Variants in BANK1 observed in about 807,000 individuals in gnomAD.
BANK1 encodes the protein B cell scaffold protein with ankyrin repeats 1, also known as B-cell scaffold protein with ankyrin repeats.
Under a neutral mutation model 94.5 loss-of-function variants are expected in BANK1, and 95 were observed. That is an observed-to-expected ratio of 1.00 (90% CI 0.85 to 1.19). BANK1 has a LOEUF of 1.19. Among genes scored for constraint, BANK1 ranks in the 50% most tolerant of loss-of-function variants. The probability of loss-of-function intolerance (pLI) is 0.00; values close to 1 mark genes in which losing one functional copy is unlikely to be tolerated. For missense variants in BANK1, 987 were observed against 932.2 expected, an observed-to-expected ratio of 1.06 and a Z score of -0.77; for synonymous variants, 334 against 308.4, an observed-to-expected ratio of 1.08 and a Z score of -0.87.
intron 1 of BANK1, among the ~76,000 whole-genome samples, chr4:101,798,362 T>A (rs1394047802): frequency 6.6e-6 from 1 of 152,178 alleles, no homozygotes; most frequent in Non-Finnish European, 1.5e-5. Context: ...TTAATTGTTC[T>A]CAAAAGCCGA....
chr4:101,910,577 C>T (rs1208538305), intron 6 of BANK1, among the ~76,000 whole-genome samples: 5 of 151,410 alleles, frequency 3.3e-5, no homozygotes, highest in East Asian at 1.9e-4. Context: ...GCCTGTAATC[C>T]CAGCTACTCA....
rs374285883 is a variant in BANK1, at chr4:102,072,448, C to T, written c.2298+48C>T. 3.1e-5 allele frequency: 43 copies of T among 1,402,648 alleles called. No homozygotes were observed. The African/African-American group carries it at 3.7e-4, about 12-fold the overall frequency. The allele number at this position is 1,402,648 out of a possible 1,614,324, so 86.9% of individuals were successfully genotyped here. A position where few individuals can be genotyped will look rare whatever the true frequency, so the allele number is the denominator to read the frequency against. On this transcript the variant is annotated intron_variant, in intron 15 of 16. Coordinates refer to ENST00000322953, the MANE Select transcript of BANK1 (RefSeq NM_017935.5). ...TCTATAAAATGCAAAGAAATAACTT[C>T]GTTAAAAAAGAACATGAGAGCCTTC...
At chr4:102,051,009 G>T (rs1355595816) in intron 11 of BANK1, among the ~76,000 whole-genome samples, 1 of 152,140 alleles carries the variant, frequency 6.6e-6, no homozygotes, top group Non-Finnish European at 1.5e-5. Context: ...TGTAGGGCAG[G>T]AGTGTGCCTA....
At chr4:102,026,450 A>C (rs1578464398) in intron 9 of BANK1, among the ~76,000 whole-genome samples, 2 of 152,246 alleles carry the variant, frequency 1.3e-5, no homozygotes, top group South Asian at 4.1e-4. Flanking sequence ...CCCCATTTTC[A>C]CTATAATTTA....
At chr4:102,047,620 A>G (rs1428355928) in intron 11 of BANK1, among the ~76,000 whole-genome samples, 1 of 152,180 alleles carries the variant, frequency 6.6e-6, no homozygotes, top group Non-Finnish European at 1.5e-5. Context: ...GAATGAAGAG[A>G]GGAGATTTTT....
chr4:102,054,440 G>A (rs1728159337), intron 11 of BANK1, among the ~76,000 whole-genome samples: 1 of 152,018 alleles, frequency 6.6e-6, no homozygotes, highest in African/African-American at 2.4e-5. Flanking sequence ...CAAAGAAACT[G>A]GAGTTTACAA....
chr4:101,872,855 A>G (rs1578370270), intron 5 of BANK1, among the ~76,000 whole-genome samples: 1 of 151,958 alleles, frequency 6.6e-6, no homozygotes, highest in Admixed American at 6.6e-5. Context: ...GAGCATGGTG[A>G]TGTATGCCTG....
intron 5 of BANK1, among the ~76,000 whole-genome samples, chr4:101,888,309 A>G (rs1002096464): frequency 1.5e-4 from 23 of 152,172 alleles, no homozygotes; most frequent in African/African-American, 5.3e-4. Context: ...AACGAGACAC[A>G]AGGGGACATC....
intron 13 of BANK1, among the ~76,000 whole-genome samples, chr4:102,065,614 T>C (rs1219292117): frequency 2.0e-5 from 3 of 152,204 alleles, no homozygotes; most frequent in Admixed American, 6.5e-5. Flanking sequence ...TTGGATGTTG[T>C]TGATCTTAGC....
At chr4:102,035,828 C>T (rs1727492511) in intron 10 of BANK1, among the ~76,000 whole-genome samples, 1 of 148,372 alleles carries the variant, frequency 6.7e-6, no homozygotes, top group Admixed American at 6.7e-5. Context: ...TTTTCCTCTA[C>T]TTTTTTTTTT....
At chr4:101,834,057 A>G (rs1327759403) in intron 2 of BANK1, among the ~76,000 whole-genome samples, 1 of 152,230 alleles carries the variant, frequency 6.6e-6, no homozygotes, top group Non-Finnish European at 1.5e-5. Flanking sequence ...ATTTATTCAA[A>G]GAACTCATGT....
At chr4:102,038,770 A>G (rs1393770461) in intron 10 of BANK1, among the ~76,000 whole-genome samples, 4 of 152,196 alleles carry the variant, frequency 2.6e-5, no homozygotes, top group Non-Finnish European at 5.9e-5. Context: ...AATGAAAACA[A>G]TTTGTGTTCT....
intron 5 of BANK1, among the ~76,000 whole-genome samples, chr4:101,894,260 G>A (rs1351329051): frequency 1.3e-5 from 2 of 151,944 alleles, no homozygotes; most frequent in Non-Finnish European, 2.9e-5. Flanking sequence ...CCAGAGCTAA[G>A]AGCTTTGCAC....
At chr4:101,936,332 T>G (rs1037457924) in intron 7 of BANK1, among the ~76,000 whole-genome samples, 1 of 139,040 alleles carries the variant, frequency 7.2e-6, no homozygotes, top group East Asian at 2.5e-4. Context: ...TATCCATACA[T>G]ATATATGTAC....
At chr4:101,907,422 T>C (rs1020793510) in intron 6 of BANK1, among the ~76,000 whole-genome samples, 1 of 152,194 alleles carries the variant, frequency 6.6e-6, no homozygotes, top group Non-Finnish European at 1.5e-5. Flanking sequence ...ATAAGAGCTA[T>C]TTATGACAGA....
intron 5 of BANK1, among the ~76,000 whole-genome samples, chr4:101,883,144 A>T (rs185603453): frequency 6.6e-6 from 1 of 152,314 alleles, no homozygotes; most frequent in Non-Finnish European, 1.5e-5. Flanking sequence ...CTGCATTTCC[A>T]CCTGTAATAA....
intron 1 of BANK1, among the ~76,000 whole-genome samples, chr4:101,802,839 C>T (rs557951037): frequency 9.9e-5 from 15 of 152,256 alleles, no homozygotes; most frequent in South Asian, 4.1e-4. Flanking sequence ...TGGGACATTA[C>T]GAAAGTTGAC....
chr4:101,938,866 A>G (rs1481987782), intron 7 of BANK1, among the ~76,000 whole-genome samples: 1 of 151,658 alleles, frequency 6.6e-6, no homozygotes, highest in Non-Finnish European at 1.5e-5. Context: ...TTTAAACTAC[A>G]TTCAGTCAAC....
chr4:101,807,407 T>C (rs765169308), intron 1 of BANK1, among the ~76,000 whole-genome samples: 1 of 152,166 alleles, frequency 6.6e-6, no homozygotes, highest in Non-Finnish European at 1.5e-5. Flanking sequence ...TAAAGTTCAC[T>C]CTCTTTGATA....
Sources: allele counts gnomAD v4.1 joint callset (sites outside exome capture counted in the v4.1 genomes callset), GRCh38; gene constraint gnomAD v4.1.1; transcripts MANE v1.5; gene names NCBI Gene and HGNC (gene_info 2026-07-23, HGNC 2026-07-21).